The following BTBD7 variants were observed in gnomAD, a reference collection of about 807,000 sequenced individuals.
The protein encoded by BTBD7 is BTB/POZ domain-containing protein 7.
Under a neutral mutation model 99.9 loss-of-function variants are expected in BTBD7, and 38 were observed. That is an observed-to-expected ratio of 0.38 (90% CI 0.29 to 0.50). The LOEUF (loss-of-function observed/expected upper bound fraction) is 0.50. Ranked by LOEUF, BTBD7 falls within the 20% of genes least tolerant of loss-of-function variation. The probability of loss-of-function intolerance (pLI) is 0.93; values close to 1 mark genes in which losing one functional copy is unlikely to be tolerated. For missense variants in BTBD7, 1,170 were observed against 1,394.6 expected (o/e 0.84, Z 2.57); for synonymous variants, 520 against 511.4 (o/e 1.02, Z -0.23).
intron 3 of BTBD7, among the ~76,000 whole-genome samples, chr14:93,291,722 A>AC (rs924007525): frequency 2.6e-5 from 4 of 152,106 alleles, no homozygotes; most frequent in African/African-American, 4.8e-5. Flanking sequence ...ACCAGATTAG[A>AC]CAATGCAAAA....
At chr14:93,322,186 C>G (rs571020416) in intron 1 of BTBD7, among the ~76,000 whole-genome samples, 1 of 152,274 alleles carries the variant, frequency 6.6e-6, no homozygotes, top group African/African-American at 2.4e-5. Flanking sequence ...GATCGCTACT[C>G]ACCATAACCT....
At chr14:93,244,166 T>G in intron 10 of BTBD7, 1 of 447,698 alleles carries the variant, frequency 2.2e-6, no homozygotes, top group Non-Finnish European at 4.4e-6. Flanking sequence ...CAGACTAGGC[T>G]GATTTTCCCG....
chr14:93,288,791 T>C (rs2052811588), intron 3 of BTBD7: 1 of 1,558,908 alleles, frequency 6.4e-7, no homozygotes, highest in African/African-American at 1.4e-5. Flanking sequence ...AAAACATCAG[T>C]ATCTGTAAGT....
In BTBD7 at chr14:93,296,103, C is replaced by T; in HGVS notation, c.-52G>A. The T allele has an allele frequency of 6.3e-7, 1 of 1,589,070 alleles. No individual in the cohort carries two copies. Among genetic ancestry groups the T allele is most frequent in the Non-Finnish European group, 8.6e-7 (1 of 1,166,734 alleles). On this transcript the variant is annotated 5_prime_UTR_variant, in exon 2 of 11. An upstream open reading frame in the 5' UTR gains an earlier in-frame stop. Transcript: ENST00000334746. ...CTGCGGGTTCTTCAGAGTATAATCC[C>T]AGAGGCCTTTATGAACCTTCAACCC...
intron 3 of BTBD7, among the ~76,000 whole-genome samples, chr14:93,284,226 A>C (rs1305617520): frequency 6.6e-6 from 1 of 152,228 alleles, no homozygotes; most frequent in Non-Finnish European, 1.5e-5. Context: ...TTCAATTGAT[A>C]TTCTATTTTA....
chr14:93,242,640 A>G lies in BTBD7; in HGVS notation c.3032T>C (p.Leu1011Pro). 1 of 1,613,830 alleles carries G rather than the reference A, an allele frequency of 6.2e-7. No homozygotes were observed. Among genetic ancestry groups the G allele is most frequent in the Non-Finnish European group, 8.5e-7 (1 of 1,179,936 alleles). ...TCTGTGTAGATGCCCGTCAGGGGAA[A>G]GTGGATATTCTCTCCTAGCTTCTTC... ...KQEEARREYPLSPDGHLHRQK... is the reference protein window; with the variant it reads ...KQEEARREYPPSPDGHLHRQK... The change falls in exon 11 of 11, where the codon CTT becomes CCT. Residue 1011 changes from leucine (L) to proline (P), a missense_variant. Leu to Pro is a moderately conservative substitution (Grantham distance 98). This residue lies in a region of BTBD7 where 495 missense variants were observed against 525.9 expected (regional missense o/e 0.94). Coordinates refer to ENST00000334746, the MANE Select transcript of BTBD7 (RefSeq NM_001002860.4).
rs550998075 is a variant in BTBD7 at position 93,246,074 on chromosome 14, T to C, written c.2334A>G (p.Ala778=). The change falls in exon 10 of 11, where the codon GCA becomes GCG. Residue 778 remains alanine (A), a synonymous_variant. Coordinates refer to ENST00000334746, the MANE Select transcript of BTBD7 (RefSeq NM_001002860.4). The part of the protein sequence containing the change: ...PATPIHNQLK[A]GWKQRPPSQH... Reference sequence around the variant, plus strand: ...GACTGGGAGGTCTTTGCTTCCAGCCTGCTTTGAGTTGGTTATGGATTGGGG... The same window carrying C: ...GACTGGGAGGTCTTTGCTTCCAGCCCGCTTTGAGTTGGTTATGGATTGGGG... 34 of 1,612,578 alleles carry C rather than the reference T, an allele frequency of 2.1e-5. No individual in the cohort carries two copies. In the South Asian group the frequency reaches 3.0e-4, roughly 14 times the overall value.
At position 93,294,622 on chromosome 14, in the gene BTBD7, G is replaced by A; in HGVS notation, c.398C>T (p.Ala133Val). 6.2e-7 allele frequency: 1 copy of A among 1,614,072 alleles called. No individual in the cohort carries two copies. Among genetic ancestry groups the A allele is most frequent in the Non-Finnish European group, 8.5e-7 (1 of 1,180,046 alleles). ...ACAATACTTGTACTCATAAAGATCA[G>A]CCATATCTTTCTGCAATGTCCGGGC... ...PEARTLQKDM[A>V]DLYEYKYCTD... Residue 133 changes from alanine to valine, a missense_variant, in exon 3 of 11, where the codon GCT (alanine) becomes GTT (valine). By Grantham distance (64) the Ala-to-Val change is moderately conservative. Coordinates refer to ENST00000334746, the MANE Select transcript of BTBD7 (RefSeq NM_001002860.4).
chr14:93,258,330 T>C (rs2052453216), intron 5 of BTBD7, among the ~76,000 whole-genome samples: 1 of 152,122 alleles, frequency 6.6e-6, no homozygotes, highest in Admixed American at 6.5e-5. Flanking sequence ...TTTTTCCCCC[T>C]TGCCTAGCTA....
Position 93,242,578 on chromosome 14 carries a change from G to C in BTBD7, c.3094C>G (p.Gln1032Glu). ...GGAAAGTCTGACCGCTGGGGAGGTTGCTCAACGACATCCAGGTGTATCGGC... is the reference window on the plus strand; with the variant it reads ...GGAAAGTCTGACCGCTGGGGAGGTTCCTCAACGACATCCAGGTGTATCGGC... Reference protein sequence around the residue: ...NEPIHLDVVEQPPQRSDFPLA... With the variant: ...NEPIHLDVVEEPPQRSDFPLA... The change falls in exon 11 of 11, where the codon CAA (glutamine) becomes GAA (glutamate). Residue 1032 changes from glutamine to glutamate, a missense_variant. Gln to Glu is a conservative substitution (Grantham distance 29, BLOSUM62 2). Around this residue, in one of 4 missense-constraint regions of BTBD7, gnomAD observed 495 missense variants for 525.9 expected, o/e 0.94. Transcript: ENST00000334746. 1 of 1,614,182 alleles carries C rather than the reference G, an allele frequency of 6.2e-7. No homozygotes were observed.
rs564940457 is a variant in BTBD7, at chr14:93,301,399, C to G, written c.-106-5242G>C. 2.2e-4 allele frequency among the ~76,000 whole-genome samples: 33 copies of G among 152,260 alleles called. 1 individual carries two copies. In the South Asian group the frequency reaches 2.5e-3, roughly 11 times the overall value. ...AAAGACAGGGTTTCACCACGTTGGT[C>G]AGGCTGGTCTTGAACTCCTGACCAC... On this transcript the variant is annotated intron_variant, in intron 1 of 10. Transcript: ENST00000334746.
intron 3 of BTBD7, among the ~76,000 whole-genome samples, chr14:93,267,434 CTT>C (rs2139713290): frequency 6.6e-6 from 1 of 152,336 alleles, no homozygotes; most frequent in African/African-American, 2.4e-5. Context: ...AGACCATACT[CTT>C]GACACTCTAC....
intron 3 of BTBD7, among the ~76,000 whole-genome samples, chr14:93,293,185 T>C (rs1303111506): frequency 6.6e-6 from 1 of 152,196 alleles, no homozygotes; most frequent in Non-Finnish European, 1.5e-5. Flanking sequence ...AACAGATGTA[T>C]ACTTCTTTTA....
In BTBD7 at chr14:93,242,806, A is replaced by G. The variant is rs1170717644; in HGVS notation, c.2866T>C (p.Ser956Pro). ...YDFSNAACRP[S>P]TPALSRRTPS... ...GTGCGTCTGCTGAGAGCAGGAGTAG[A>G]AGGTCTGCAAGCAGCATTTGAGAAG... Residue 956 changes from serine (S) to proline (P), a missense_variant, in exon 11 of 11, where the codon TCT becomes CCT. By Grantham distance (74) the Ser-to-Pro change is moderately conservative (BLOSUM62 -1). Around this residue, in one of 4 missense-constraint regions of BTBD7, gnomAD observed 495 missense variants for 525.9 expected, o/e 0.94. Transcript: ENST00000334746. The G allele has an allele frequency of 5.0e-6, 8 of 1,614,196 alleles. No individual in the cohort carries two copies. The Admixed American group carries it at 5.0e-5, about 10-fold the overall frequency.
intron 3 of BTBD7, among the ~76,000 whole-genome samples, chr14:93,283,469 T>C (rs977381064): frequency 6.6e-6 from 1 of 152,246 alleles, no homozygotes; most frequent in Admixed American, 6.5e-5. Flanking sequence ...TATCACTTCT[T>C]GTTATAGCTA....
intron 3 of BTBD7, among the ~76,000 whole-genome samples, chr14:93,272,986 G>T (rs1218001567): frequency 6.6e-6 from 1 of 152,118 alleles, no homozygotes; most frequent in Non-Finnish European, 1.5e-5. Flanking sequence ...CTTTGATCTG[G>T]GCTGTGCTTT....
intron 4 of BTBD7, 121 bp downstream of exon 4, chr14:93,263,664 G>T: frequency 2.3e-6 from 2 of 881,260 alleles, no homozygotes. Context: ...AGTCCTGGGT[G>T]GTTTGATCAC....
chr14:93,322,509 AG>A (rs113949028), intron 1 of BTBD7, among the ~76,000 whole-genome samples: 11,915 of 152,198 alleles, frequency 0.078, 982 homozygotes, highest in African/African-American at 0.21. Context: ...TTCAAGAATT[AG>A]TAAGCCCACA....
intron 1 of BTBD7, among the ~76,000 whole-genome samples, chr14:93,306,775 ATCTGAG>A (rs568011680): frequency 7.0e-4 from 106 of 152,304 alleles, no homozygotes; most frequent in South Asian, 3.1e-3. Context: ...CTCTCTTGAG[ATCTGAG>A]TCTGAGTGTT....
Sources: gnomAD v4.1 joint callset for allele counts (sites outside exome capture counted in the v4.1 genomes callset) on GRCh38, gnomAD v4.1.1 for gene constraint, gnomAD v4.1.1 regional missense constraint, MANE v1.5 for transcripts, NCBI Gene and HGNC (gene_info 2026-07-23, HGNC 2026-07-21) for gene names.